Variants in PDE6B observed in about 807,000 individuals in gnomAD.
PDE6B encodes the protein phosphodiesterase 6B, also known as rod cGMP-specific 3',5'-cyclic phosphodiesterase subunit beta.
In PDE6B, 106 loss-of-function variants were observed where a neutral mutation model predicts 109.0. The ratio of observed to expected loss-of-function variants is 0.97; its 90% confidence interval spans 0.83 to 1.14. The LOEUF (loss-of-function observed/expected upper bound fraction) is 1.14, where lower values mean the gene tolerates loss of function less well. PDE6B is among the 50% of genes most tolerant of loss of function. The pLI, the probability that PDE6B is intolerant of heterozygous loss-of-function variation, is 0.00. For missense variants in PDE6B, 1,193 were observed against 1,155.6 expected (o/e 1.03, Z -0.47); for synonymous variants, 490 against 471.3 (o/e 1.04, Z -0.51).
Position 663,883 on chromosome 4 carries a change from C to A in PDE6B, c.2021+13C>A. On this transcript the variant is annotated intron_variant, in intron 16 of 21. Coordinates refer to ENST00000496514, the MANE Select transcript of PDE6B (RefSeq NM_000283.4). The surrounding 1 kb of genome is among the most constrained non-coding windows in gnomAD (Gnocchi z 4.0). ...CCCTGTACTTCAAGTGCGCGCCTTC[C>A]GGGAGGGGGCGCCTCGCGGGGCGGG... 6.3e-7 allele frequency: 1 copy of A among 1,584,826 alleles called. No individual in the cohort carries two copies. The highest frequency in any genetic ancestry group is 8.6e-7 in the Non-Finnish European group (1 of 1,160,366).
intron 3 of PDE6B, among the ~76,000 whole-genome samples, chr4:642,528 G>A (rs185931510): frequency 3.8e-4 from 57 of 151,460 alleles, no homozygotes; most frequent in East Asian, 2.0e-4. Context: ...GCATGGTGGC[G>A]CATGCCTATA....
intron 3 of PDE6B, among the ~76,000 whole-genome samples, chr4:640,669 T>G (rs34096984): frequency 0.029 from 4,423 of 152,348 alleles, 65 homozygotes; most frequent in Middle Eastern, 0.041. Flanking sequence ...TTGTATAGAT[T>G]TGTATTTTAC....
At chr4:659,608 T>C (rs1021333890) in intron 11 of PDE6B, among the ~76,000 whole-genome samples, 3 of 145,396 alleles carry the variant, frequency 2.1e-5, no homozygotes, top group Non-Finnish European at 3.0e-5. Flanking sequence ...TGTGTGCGTG[T>C]GTGCATTGTA....
chr4:657,821 G>A (rs547921786), intron 10 of PDE6B, among the ~76,000 whole-genome samples: 10 of 144,180 alleles, frequency 6.9e-5, no homozygotes, highest in Non-Finnish European at 1.4e-4. Context: ...TGGCTGTGCG[G>A]CGGGGGCAGG....
chr4:655,067 CAG>C (rs1736056803), intron 6 of PDE6B, 179 bp downstream of exon 6: 1 of 629,964 alleles, frequency 1.6e-6, no homozygotes, highest in African/African-American at 1.8e-5. Context: ...GGGGGTGAGA[CAG>C]AAGCCGACTC....
intron 3 of PDE6B, among the ~76,000 whole-genome samples, chr4:640,610 A>T (rs1734903426): frequency 6.6e-6 from 1 of 152,118 alleles, no homozygotes; most frequent in Non-Finnish European, 1.5e-5. Flanking sequence ...CTAAAAACTC[A>T]TCACTAAACC....
chr4:656,860 C>A lies in PDE6B; in HGVS notation c.1108-14C>A, dbSNP rs1389440185. The A allele has an allele frequency of 6.2e-7, 1 of 1,612,318 alleles. No homozygotes were observed. Among genetic ancestry groups the A allele is most frequent in the East Asian group, 2.2e-5 (1 of 44,860 alleles). On this transcript the variant is annotated splice_polypyrimidine_tract_variant and intron_variant, in intron 8 of 21. Coordinates refer to ENST00000496514, the MANE Select transcript of PDE6B (RefSeq NM_000283.4). ...CCTCAGGGCGGAGCTCAGCTCTGGA[C>A]ACCGCTCCCGCAGGAAGGGGCCCTG...
At chr4:655,518 A>G (rs1054919801) in intron 6 of PDE6B, 2 of 348,276 alleles carry the variant, frequency 5.7e-6, no homozygotes, top group African/African-American at 2.1e-5. Flanking sequence ...CTGAAGCCAT[A>G]CGGCCTCCGG....
chr4:657,600 G>C, intron 10 of PDE6B, 106 bp downstream of exon 10: 1 of 1,157,784 alleles, frequency 8.6e-7, no homozygotes, highest in Non-Finnish European at 1.3e-6. Context: ...GGTGGGGGCA[G>C]GTCATCCAGG....
chr4:641,667 GAC>G (rs1157313753), intron 3 of PDE6B, among the ~76,000 whole-genome samples: 1 of 152,098 alleles, frequency 6.6e-6, no homozygotes, highest in Non-Finnish European at 1.5e-5. Context: ...TGTTTTCTGA[GAC>G]AGAGTCTCAC....
chr4:634,990 G>C (rs1417904216), intron 2 of PDE6B, among the ~76,000 whole-genome samples, 161 bp downstream of exon 2: 2 of 112,324 alleles, frequency 1.8e-5, no homozygotes, highest in Admixed American at 9.1e-5. Context: ...CGCGTGTTCT[G>C]TGCTGCGTGT....
intron 3 of PDE6B, among the ~76,000 whole-genome samples, chr4:649,096 C>T (rs1425219232): frequency 6.6e-6 from 1 of 152,214 alleles, no homozygotes; most frequent in Non-Finnish European, 1.5e-5. Context: ...GGGAGATCCA[C>T]GCTGGCACAG....
In PDE6B at chr4:631,276, G is replaced by A. The variant is rs546951097; in HGVS notation, c.469-3401G>A. On this transcript the variant is annotated intron_variant, in intron 1 of 21. Coordinates refer to ENST00000496514, the MANE Select transcript of PDE6B (RefSeq NM_000283.4). ...GAAAACGTGTGGGGCAGAGAGAAGT[G>A]ACAGAGTCAGGTCTGAGATCCAGGA... 1.2e-4 allele frequency among the ~76,000 whole-genome samples: 18 copies of A among 152,342 alleles called. 1 individual carries two copies. The highest frequency in any genetic ancestry group is 4.3e-4 in the African/African-American group (18 of 41,592).
rs1736690313 is a variant in PDE6B at position 658,905 on chromosome 4, C to G, written c.1402-47C>G. 9.3e-6 allele frequency: 13 copies of G among 1,404,394 alleles called. No individual in the cohort carries two copies. The East Asian group carries it at 3.0e-4, about 32-fold the overall frequency. 87.0% of individuals were successfully genotyped at this position (1,404,394 alleles called of 1,614,324 possible). The stretch of plus-strand genomic sequence containing the variant: ...GGTGGACGCACCGCCGTCACCTTGT[C>G]CCACATGCGAAGCTCTTTCTCGTGA... On this transcript the variant is annotated intron_variant, in intron 10 of 21. Coordinates refer to ENST00000496514, the MANE Select transcript of PDE6B (RefSeq NM_000283.4).
intron 3 of PDE6B, among the ~76,000 whole-genome samples, chr4:650,369 C>T (rs920787418): frequency 5.9e-5 from 9 of 152,254 alleles, no homozygotes; most frequent in Non-Finnish European, 1.3e-4. Flanking sequence ...CCTGTCCCCA[C>T]TGCCCAGGAC....
At position 666,462 on chromosome 4, in the gene PDE6B, G is replaced by T; in HGVS notation, c.2269-69G>T. 1 of 998,224 alleles carries T rather than the reference G, an allele frequency of 1.0e-6. No homozygotes were observed. The highest frequency in any genetic ancestry group is 1.6e-5 in the African/African-American group (1 of 63,176). The allele number at this position is 998,224 out of a possible 1,614,324, so 61.8% of individuals were successfully genotyped here. A position where few individuals can be genotyped will look rare whatever the true frequency, so the allele number is the denominator to read the frequency against. On this transcript the variant is annotated intron_variant, in intron 19 of 21. Transcript: ENST00000496514. The surrounding 1 kb of genome is among the most constrained non-coding windows in gnomAD (Gnocchi z 5.6). ...GAGCACATCTGAGTGAGGGGGTCGGGGGGCTGGGCGGGGCCCCAGGAGCTG... is the reference window on the plus strand; with the variant it reads ...GAGCACATCTGAGTGAGGGGGTCGGTGGGCTGGGCGGGGCCCCAGGAGCTG...
At chr4:668,450 C>G (rs1738052807) in intron 21 of PDE6B, among the ~76,000 whole-genome samples, 1 of 129,100 alleles carries the variant, frequency 7.7e-6, no homozygotes, top group African/African-American at 3.2e-5. Context: ...GCTGCTCCCA[C>G]TACCCCATGC....
Position 663,879 on chromosome 4 carries a change from CT to C in PDE6B, c.2021+11del. On this transcript the variant is annotated intron_variant, in intron 16 of 21. Coordinates refer to ENST00000496514, the MANE Select transcript of PDE6B (RefSeq NM_000283.4). This position sits in a 1 kb window ranked among gnomAD's most constrained non-coding sequence, Gnocchi z 4.0. Reference sequence around the variant, plus strand: ...CTGGCCCTGTACTTCAAGTGCGCGCCTTCCGGGAGGGGGCGCCTCGCGGGGC... The same window carrying C: ...CTGGCCCTGTACTTCAAGTGCGCGCCTCCGGGAGGGGGCGCCTCGCGGGGC... 6.3e-7 allele frequency: 1 copy of C among 1,594,458 alleles called. No individual in the cohort carries two copies. Among genetic ancestry groups the C allele is most frequent in the Non-Finnish European group, 8.6e-7 (1 of 1,168,006 alleles).
chr4:659,571 G>T (rs1248229629), intron 11 of PDE6B, among the ~76,000 whole-genome samples: 1 of 151,642 alleles, frequency 6.6e-6, no homozygotes, highest in Non-Finnish European at 1.5e-5. Flanking sequence ...GTGCACATGT[G>T]GGTGTGTGTG....
Sources: allele counts gnomAD v4.1 joint callset (sites outside exome capture counted in the v4.1 genomes callset), GRCh38; gene constraint gnomAD v4.1.1; non-coding constraint Gnocchi (gnomAD v3.1); transcripts MANE v1.5; gene names NCBI Gene and HGNC (gene_info 2026-07-23, HGNC 2026-07-21).